GSTM2: variants seen among roughly 807,000 people sequenced by gnomAD.
GSTM2 encodes GST class-mu 2.
Under a neutral mutation model 33.3 loss-of-function variants are expected in GSTM2, and 33 were observed. That is an observed-to-expected ratio of 0.99 (90% CI 0.75 to 1.33). The LOEUF is 1.33. GSTM2 is among the 40% of genes most tolerant of loss of function. The pLI is 0.00. For synonymous variants in GSTM2, 93 were observed against 95.6 expected, an observed-to-expected ratio of 0.97 and a Z score of 0.16; for missense variants, 213 against 265.8, an observed-to-expected ratio of 0.80 and a Z score of 1.38.
At chr1:109,670,605 C>T (rs1647506221) in intron 5 of GSTM2, 1 of 152,342 alleles carries the variant, frequency 6.6e-6, no homozygotes. Flanking sequence ...TCCCTTCCAT[C>T]TCTGACCCAT....
chr1:109,679,845 G>A (rs567540903), downstream of GSTM2, among the ~76,000 whole-genome samples: 4 of 152,232 alleles, frequency 2.6e-5, no homozygotes, highest in Admixed American at 6.5e-5. Flanking sequence ...GAAGTGATTC[G>A]CCTTTGAATC....
intron 7 of GSTM2, among the ~76,000 whole-genome samples, chr1:109,671,973 GA>G (rs34285855): frequency 0.44 from 33,896 of 76,640 alleles, 5,942 homozygotes; most frequent in East Asian, 0.62. Context: ...TCCATCTCAA[GA>G]AAAAAAAAAA....
chr1:109,670,356 C>T (rs1647488896), intron 5 of GSTM2: 1 of 152,098 alleles, frequency 6.6e-6, no homozygotes, highest in African/African-American at 2.4e-5. Context: ...CTTCACCTCT[C>T]ATTTTGATCA....
intron 7 of GSTM2, among the ~76,000 whole-genome samples, chr1:109,672,872 T>A (rs1237297079): frequency 2.0e-5 from 3 of 149,432 alleles, no homozygotes; most frequent in African/African-American, 7.4e-5. Flanking sequence ...CTACCTCTTT[T>A]TTTTTTTTTT....
At chr1:109,671,615 C>T in intron 7 of GSTM2, 32 bp downstream of exon 7, 1 of 1,096,804 alleles carries the variant, frequency 9.1e-7, no homozygotes. Flanking sequence ...CTCTTTATGT[C>T]TCTTATTCCT....
intron 2 of GSTM2, chr1:109,668,713 A>G: frequency 1.3e-6 from 1 of 790,268 alleles, no homozygotes; most frequent in East Asian, 2.7e-5. Flanking sequence ...GGTGTCCCTC[A>G]GGGCTTGCCT....
At chr1:109,671,612 T>C in intron 7 of GSTM2, 29 bp downstream of exon 7, 2 of 1,114,062 alleles carry the variant, frequency 1.8e-6, no homozygotes, top group Non-Finnish European at 2.8e-6. Flanking sequence ...TTTCTCTTTA[T>C]GTCTCTTATT....
At chr1:109,682,516 A>G (rs1260104706) in intron 7 of GSTM2, among the ~76,000 whole-genome samples, 1 of 110,896 alleles carries the variant, frequency 9.0e-6, no homozygotes, top group Non-Finnish European at 2.3e-5. Flanking sequence ...TGGGGATTAC[A>G]GGCGTGTAGT....
chr1:109,672,455 C>G (rs1171934235), intron 7 of GSTM2, among the ~76,000 whole-genome samples: 2 of 152,192 alleles, frequency 1.3e-5, no homozygotes, highest in African/African-American at 4.8e-5. Flanking sequence ...ATGAGAGGGT[C>G]AGTCCTTTGC....
Position 109,668,960 on chromosome 1 carries a change from A to G in GSTM2, c.148A>G (p.Lys50Glu). The G allele has an allele frequency of 6.2e-7, 1 of 1,612,214 alleles. No individual in the cohort carries two copies. Among genetic ancestry groups the G allele is most frequent in the Non-Finnish European group, 8.5e-7 (1 of 1,179,814 alleles). ...DYDRSQWLNE[K>E]FKLGLDFPNL... is the part of the protein sequence containing the mutation. ...TGACAGAAGCCAGTGGCTGAATGAA[A>G]AATTCAAGCTGGGCCTGGACTTTCC... The change falls in exon 3 of 8, where the codon AAA (lysine) becomes GAA (glutamate). Residue 50 changes from lysine (K) to glutamate (E), a missense_variant. Lys to Glu is a moderately conservative substitution (Grantham distance 56, BLOSUM62 1). Transcript: ENST00000241337.
intron 5 of GSTM2, chr1:109,669,933 A>T: frequency 4.5e-6 from 1 of 223,684 alleles, no homozygotes; most frequent in South Asian, 9.2e-5. Flanking sequence ...TCAGGAGTGA[A>T]GCTGCAGACC....
chr1:109,673,830 C>T (rs1319378695), intron 7 of GSTM2, among the ~76,000 whole-genome samples: 1 of 152,288 alleles, frequency 6.6e-6, no homozygotes, highest in African/African-American at 2.4e-5. Flanking sequence ...AACTCTTGAC[C>T]TCAGGTGATC....
At chr1:109,677,922 T>C (rs1429995359), downstream of GSTM2, among the ~76,000 whole-genome samples, 1 of 152,218 alleles carries the variant, frequency 6.6e-6, no homozygotes, top group Non-Finnish European at 1.5e-5. Context: ...GGGCATGTGT[T>C]TTTCTCTCTT....
intron 5 of GSTM2, chr1:109,671,044 C>T: frequency 2.0e-6 from 1 of 493,728 alleles, no homozygotes; most frequent in Non-Finnish European, 3.7e-6. Flanking sequence ...TCAGTGGGGA[C>T]AGATTTAGGG....
In GSTM2 at chr1:109,671,505, C is replaced by A. The variant is rs267597910; in HGVS notation, c.489C>A (p.Val163=). The A allele has an allele frequency of 6.2e-7, 1 of 1,613,234 alleles. No homozygotes were observed. Among genetic ancestry groups the A allele is most frequent in the Admixed American group, 1.7e-5 (1 of 60,024 alleles). ...TTGTGGATTTCATCGCTTATGATGT[C>A]CTTGAGAGAAACCAAGTATTTGAGC... ...ITFVDFIAYD[V]LERNQVFEPS... The change falls in exon 7 of 8, where the codon GTC becomes GTA. Residue 163 remains valine, a synonymous_variant. Coordinates refer to ENST00000241337, the MANE Select transcript of GSTM2 (RefSeq NM_000848.4).
At chr1:109,676,500 C>T (rs618191), downstream of GSTM2, among the ~76,000 whole-genome samples, 54,892 of 151,876 alleles carry the variant, frequency 0.36, 11,345 homozygotes, top group East Asian at 0.68. Flanking sequence ...TACAGGCGTG[C>T]ACACTGTGCC....
At chr1:109,677,066 C>A (rs71657121), downstream of GSTM2, among the ~76,000 whole-genome samples, 2 of 151,968 alleles carry the variant, frequency 1.3e-5, no homozygotes, top group African/African-American at 4.8e-5. Context: ...TGAATATCCA[C>A]ATGGCCACTA....
chr1:109,668,091 T>C lies in GSTM2; in HGVS notation c.-25T>C, dbSNP rs1432746137. 1 of 1,613,284 alleles carries C rather than the reference T, an allele frequency of 6.2e-7. No individual in the cohort carries two copies. Among genetic ancestry groups the C allele is most frequent in the Admixed American group, 1.7e-5 (1 of 60,004 alleles). ...GAGCCCCGCCCCGCTGAGGCCTGTC[T>C]GCAGAATCCACAGCAACCAGCACCA... On this transcript the variant is annotated 5_prime_UTR_variant, in exon 1 of 8. Coordinates refer to ENST00000241337, the MANE Select transcript of GSTM2 (RefSeq NM_000848.4).
chr1:109,673,991 G>C (rs1041494595), intron 7 of GSTM2, among the ~76,000 whole-genome samples: 1 of 152,224 alleles, frequency 6.6e-6, no homozygotes, highest in African/African-American at 2.4e-5. Context: ...AGATGCCATG[G>C]GTTAGGGCAC....
Sources: allele counts gnomAD v4.1 joint callset (sites outside exome capture counted in the v4.1 genomes callset), GRCh38; gene constraint gnomAD v4.1.1; transcripts MANE v1.5; gene names NCBI Gene and HGNC (gene_info 2026-07-23, HGNC 2026-07-21).